The following GRIN2B variants were observed in gnomAD, a reference collection of about 807,000 sequenced individuals.
GRIN2B encodes the protein glutamate receptor ionotropic, NMDA 2B.
GRIN2B carries 5 observed loss-of-function variants against 114.5 expected under a neutral mutation model. The observed-to-expected ratio is 0.04, with a 90% confidence interval of 0.02 to 0.09. The LOEUF (loss-of-function observed/expected upper bound fraction) is 0.09, where lower values mean the gene tolerates loss of function less well. Among genes scored for constraint, GRIN2B ranks in the 10% least tolerant of loss-of-function variants. The probability of loss-of-function intolerance (pLI) is 1.00; values close to 1 mark genes in which losing one functional copy is unlikely to be tolerated. For missense variants in GRIN2B, 1,108 were observed against 1,943.5 expected (o/e 0.57, Z 8.08); for synonymous variants, 787 against 745.1 (o/e 1.06, Z -0.92).
chr12:13,923,713 G>C (rs1303503771), intron 2 of GRIN2B, among the ~76,000 whole-genome samples: 1 of 152,132 alleles, frequency 6.6e-6, no homozygotes, highest in African/African-American at 2.4e-5. Context: ...ATGGAGGGAT[G>C]CCGCCATCTT....
At chr12:13,699,715 A>G (rs1040376275) in intron 4 of GRIN2B, among the ~76,000 whole-genome samples, 2 of 151,812 alleles carry the variant, frequency 1.3e-5, no homozygotes, top group African/African-American at 4.8e-5. Flanking sequence ...CAGCCTCCCA[A>G]GTAGCTGGGA....
intron 3 of GRIN2B, among the ~76,000 whole-genome samples, chr12:13,858,885 C>T (rs1201295893): frequency 6.6e-6 from 1 of 152,152 alleles, no homozygotes; most frequent in Non-Finnish European, 1.5e-5. Flanking sequence ...GAGGTGGAAC[C>T]TACTGAGCTG....
Position 13,887,313 on chromosome 12 carries a change from A to C in GRIN2B, c.-18-21087T>G, listed in dbSNP as rs74069222. Among the ~76,000 whole-genome samples, 1,279 of 152,360 alleles carry C rather than the reference A, an allele frequency of 8.4e-3. 12 individuals are homozygous for C. Among genetic ancestry groups the C allele is most frequent in the African/African-American group, 0.029 (1,218 of 41,582 alleles). ...CAAGTACAATCATATAAATACATACATTATAAATGTACATGCAGCTCAGTG... is the reference window on the plus strand; with the variant it reads ...CAAGTACAATCATATAAATACATACCTTATAAATGTACATGCAGCTCAGTG... On this transcript the variant is annotated intron_variant, in intron 2 of 13. Transcript: ENST00000609686.
chr12:13,905,854 C>T (rs1866527209), intron 2 of GRIN2B, among the ~76,000 whole-genome samples: 1 of 152,144 alleles, frequency 6.6e-6, no homozygotes, highest in Admixed American at 6.6e-5. Flanking sequence ...CCATCCCCAG[C>T]CCCGTTCTGC....
intron 5 of GRIN2B, among the ~76,000 whole-genome samples, chr12:13,639,908 C>T (rs1257779083): frequency 1.3e-5 from 2 of 152,132 alleles, no homozygotes. Flanking sequence ...CCGCCTCTTA[C>T]TCTTCACCTT....
chr12:13,701,497 T>C (rs1179568162), intron 4 of GRIN2B, among the ~76,000 whole-genome samples: 2 of 132,998 alleles, frequency 1.5e-5, no homozygotes, highest in Non-Finnish European at 3.1e-5. Flanking sequence ...TGTGAAGCAC[T>C]AGGGATTCAG....
intron 4 of GRIN2B, among the ~76,000 whole-genome samples, chr12:13,686,618 T>A (rs943553023): frequency 6.6e-6 from 1 of 152,146 alleles, no homozygotes; most frequent in Non-Finnish European, 1.5e-5. Flanking sequence ...AAAGTAATTT[T>A]ATTTTCTATC....
chr12:13,671,259 G>A (rs891085777), intron 5 of GRIN2B, among the ~76,000 whole-genome samples: 15 of 152,120 alleles, frequency 9.9e-5, no homozygotes, highest in Admixed American at 3.3e-4. Flanking sequence ...ATGTTTGACT[G>A]TAAAACCTCT....
chr12:13,971,173 C>T (rs1419525869), intron 2 of GRIN2B, among the ~76,000 whole-genome samples: 1 of 152,200 alleles, frequency 6.6e-6, no homozygotes, highest in African/African-American at 2.4e-5. Flanking sequence ...TTTAGTGCCT[C>T]ACACCACCAC....
intron 4 of GRIN2B, among the ~76,000 whole-genome samples, chr12:13,693,347 T>C (rs1400048539): frequency 2.0e-5 from 3 of 152,140 alleles, no homozygotes; most frequent in Non-Finnish European, 4.4e-5. Context: ...ATAAAGTAAA[T>C]ACACATTTAT....
chr12:13,599,816 G>A (rs1274255705), intron 10 of GRIN2B, among the ~76,000 whole-genome samples: 1 of 152,194 alleles, frequency 6.6e-6, no homozygotes, highest in Non-Finnish European at 1.5e-5. Flanking sequence ...CTCCCCACCT[G>A]GGAGAGTCAG....
At chr12:13,571,696 A>AACATTTTATGATACCAAGCATGGTATACC in intron 11 of GRIN2B, 108 bp downstream of exon 11, 1 of 1,194,786 alleles carries the variant, frequency 8.4e-7, no homozygotes, top group Non-Finnish European at 1.2e-6. Context: ...AGTCTTCTTT[A>AACATTTTATGATACCAAGCATGGTATACC]ACATTTTATG....
rs12305387 is a variant in GRIN2B at position 13,893,576 on chromosome 12, T to C, written c.-18-27350A>G. Among the ~76,000 whole-genome samples, 770 of 152,198 alleles carry C rather than the reference T, an allele frequency of 5.1e-3. 4 individuals carry two copies. Among genetic ancestry groups the C allele is most frequent in the African/African-American group, 0.018 (743 of 41,556 alleles). ...ATGCCAAATCAGAAAAACTTAAGAC[T>C]TGAGACCCCACAGTGACCTGGAAAT... On this transcript the variant is annotated intron_variant, in intron 2 of 13. Coordinates refer to ENST00000609686, the MANE Select transcript of GRIN2B (RefSeq NM_000834.5).
chr12:13,880,464 G>C (rs1866054884), intron 2 of GRIN2B, among the ~76,000 whole-genome samples: 1 of 152,278 alleles, frequency 6.6e-6, no homozygotes, highest in African/African-American at 2.4e-5. Context: ...AAGAGGAACA[G>C]ATCTCCCATC....
chr12:13,836,767 C>A (rs974874480), intron 3 of GRIN2B, among the ~76,000 whole-genome samples: 1 of 151,990 alleles, frequency 6.6e-6, no homozygotes, highest in Non-Finnish European at 1.5e-5. Context: ...GTGAGCTGAG[C>A]AGCTCCAGCA....
chr12:13,803,721 C>T (rs1185547282), intron 3 of GRIN2B, among the ~76,000 whole-genome samples: 1 of 152,112 alleles, frequency 6.6e-6, no homozygotes, highest in African/African-American at 2.4e-5. Flanking sequence ...TTTGAACACA[C>T]AGCAAAATAC....
At chr12:13,797,643 T>G (rs7974275) in intron 3 of GRIN2B, among the ~76,000 whole-genome samples, 30,899 of 152,232 alleles carry the variant, frequency 0.2, 3,897 homozygotes, top group South Asian at 0.35. Context: ...TGGTCTCCAT[T>G]TCCTTATAGG....
chr12:13,648,407 T>C lies in GRIN2B; in HGVS notation c.1125+27338A>G, dbSNP rs565194427. 5.9e-5 allele frequency among the ~76,000 whole-genome samples: 9 copies of C among 152,056 alleles called. 1 individual carries two copies. In the South Asian group the frequency reaches 1.2e-3, roughly 21 times the overall value. On this transcript the variant is annotated intron_variant, in intron 5 of 13. Coordinates refer to ENST00000609686, the MANE Select transcript of GRIN2B (RefSeq NM_000834.5). ...TACAGACATTTGGAATTAGCCTCTT[T>C]GGAGCAAGCAATGATGAAGGGCACA...
At chr12:13,714,991 G>A (rs957666566) in intron 4 of GRIN2B, among the ~76,000 whole-genome samples, 3 of 151,864 alleles carry the variant, frequency 2.0e-5, no homozygotes, top group Non-Finnish European at 2.9e-5. Context: ...TGAAGAGAGT[G>A]GGCCAATCTT....
Sources: gnomAD v4.1 joint callset for allele counts (sites outside exome capture counted in the v4.1 genomes callset) on GRCh38, gnomAD v4.1.1 for gene constraint, MANE v1.5 for transcripts, NCBI Gene and HGNC (gene_info 2026-07-23, HGNC 2026-07-21) for gene names.